ASAP2: variants seen among roughly 807,000 people sequenced by gnomAD.
ASAP2 encodes ArfGAP with SH3 domain, ankyrin repeat and PH domain 2, also known as arf-GAP with SH3 domain, ANK repeat and PH domain-containing protein 2.
In ASAP2, 45 loss-of-function variants were observed where a neutral mutation model predicts 131.4. The ratio of observed to expected loss-of-function variants is 0.34; its 90% CI spans 0.27 to 0.44. ASAP2 has a LOEUF of 0.44. Ranked by LOEUF, ASAP2 falls within the 20% of genes least tolerant of loss-of-function variation. The pLI is 1.00. For missense variants in ASAP2, 1,011 were observed against 1,297.0 expected, an observed-to-expected ratio of 0.78 and a Z score of 3.39; for synonymous variants, 510 against 503.0, an observed-to-expected ratio of 1.01 and a Z score of -0.19.
At position 9,337,741 on chromosome 2, in the gene ASAP2, G is replaced by A. The variant is rs192207348; in HGVS notation, c.849+2562G>A. Among the ~76,000 whole-genome samples, 19 of 152,264 alleles carry A rather than the reference G, an allele frequency of 1.2e-4. No homozygotes were observed. The East Asian group carries it at 3.3e-3, about 26-fold the overall frequency. On this transcript the variant is annotated intron_variant, in intron 9 of 27. Coordinates refer to ENST00000281419, the MANE Select transcript of ASAP2 (RefSeq NM_003887.3). The stretch of plus-strand genomic sequence containing the variant: ...CCCTGCAGCTTTGTTTTAGTGTGGA[G>A]CTTGTGCCGTTCTGGTCCCGGTGAC...
rs1163387533 is a variant in ASAP2, at chr2:9,391,203, TTTTTTCC to T, written c.2518+18_2518+24del. Reference sequence around the variant, plus strand: ...CTTCGCGTGACATCTACCAGTACGTTTTTTTCCTTTTTCCTTTCTTGCCCGTGGGCTT... The same window carrying T: ...CTTCGCGTGACATCTACCAGTACGTTTTTTTCCTTTCTTGCCCGTGGGCTT... On this transcript the variant is annotated splice_region_variant and intron_variant, in intron 23 of 27. Transcript: ENST00000281419. 1.9e-6 allele frequency: 3 copies of T among 1,607,866 alleles called. No homozygotes were observed. Among genetic ancestry groups the T allele is most frequent in the Non-Finnish European group, 2.5e-6 (3 of 1,176,636 alleles).
intron 1 of ASAP2, among the ~76,000 whole-genome samples, chr2:9,270,785 A>ATTTTTTTTCTTTTTTTTTTTTTT (rs1666300885): frequency 1.9e-5 from 1 of 52,924 alleles, no homozygotes; most frequent in Non-Finnish European, 3.5e-5. Context: ...AATTGTTTTC[A>ATTTTTTTTCTTTTTTTTTTTTTT]TTTTTTTTTT....
intron 16 of ASAP2, among the ~76,000 whole-genome samples, chr2:9,372,579 A>G (rs1674063210): frequency 6.6e-6 from 1 of 152,258 alleles, no homozygotes; most frequent in African/African-American, 2.4e-5. Context: ...ATAAAGGCCC[A>G]GAACACTTCT....
chr2:9,258,674 G>A (rs955273379), intron 1 of ASAP2, among the ~76,000 whole-genome samples: 7 of 152,148 alleles, frequency 4.6e-5, no homozygotes, highest in African/African-American at 7.2e-5. Context: ...CGAAACCCCC[G>A]GAAGCTGCTG....
chr2:9,367,614 A>G (rs938198512), intron 15 of ASAP2, among the ~76,000 whole-genome samples: 1 of 151,990 alleles, frequency 6.6e-6, no homozygotes, highest in Admixed American at 6.5e-5. Flanking sequence ...TACAAAAATC[A>G]GCTGGGCGTG....
At position 9,344,570 on chromosome 2, in the gene ASAP2, T is replaced by G; in HGVS notation, c.888T>G (p.His296Gln). ...QIRQSTAYSL[H>Q]QPQGNKEHGT... ...GTCAGAGCACAGCTTATAGCTTACA[T>G]CAGCCTCAGGGAAACAAGGAACATG... Residue 296 changes from histidine (H) to glutamine (Q), a missense_variant, in exon 10 of 28, where the codon CAT becomes CAG. His to Gln is a conservative substitution (Grantham distance 24, BLOSUM62 0). Around this residue, in one of 2 missense-constraint regions of ASAP2, gnomAD observed 359 missense variants for 598.1 expected, o/e 0.60. Coordinates refer to ENST00000281419, the MANE Select transcript of ASAP2 (RefSeq NM_003887.3). 1 of 1,614,142 alleles carries G rather than the reference T, an allele frequency of 6.2e-7. No individual in the cohort carries two copies. The highest frequency in any genetic ancestry group is 8.5e-7 in the Non-Finnish European group (1 of 1,180,022).
At chr2:9,288,193 A>T (rs948717738) in intron 2 of ASAP2, among the ~76,000 whole-genome samples, 1 of 152,134 alleles carries the variant, frequency 6.6e-6, no homozygotes, top group South Asian at 2.1e-4. Context: ...CGCAAACCCA[A>T]CCTACCAAGC....
At chr2:9,243,290 A>G (rs1455140368) in intron 1 of ASAP2, among the ~76,000 whole-genome samples, 1 of 152,114 alleles carries the variant, frequency 6.6e-6, no homozygotes, top group Non-Finnish European at 1.5e-5. Context: ...TTGTATTTTT[A>G]GTAGAGATGG....
At position 9,320,293 on chromosome 2, in the gene ASAP2, G is replaced by C. The variant is rs776518516; in HGVS notation, c.426G>C (p.Leu142=). The C allele has an allele frequency of 6.2e-7, 1 of 1,610,200 alleles. No individual in the cohort carries two copies. Among genetic ancestry groups the C allele is most frequent in the South Asian group, 1.1e-5 (1 of 89,920 alleles). The change falls in exon 5 of 28, where the codon CTG becomes CTC. Residue 142 remains leucine, a synonymous_variant. Coordinates refer to ENST00000281419, the MANE Select transcript of ASAP2 (RefSeq NM_003887.3). ...KGDLKGVKGD[L]KKPFDKAWKD... ...TTATTATTCTTTGTTTACAGGATCT[G>C]AAAAAGCCTTTTGATAAAGCTTGGA...
rs751130597 is a variant in ASAP2 at position 9,391,150 on chromosome 2, G to A, written c.2472G>A (p.Pro824=). The part of the protein sequence containing the change: ...GGSRQRSSSD[P]PAVHPPLPPL... ...GCCGGCAGCGATCTTCGTCAGATCC[G>A]CCAGCTGTCCATCCACCGCTGCCCC... Residue 824 remains proline, a synonymous_variant, in exon 23 of 28, where the codon CCG becomes CCA. Coordinates refer to ENST00000281419, the MANE Select transcript of ASAP2 (RefSeq NM_003887.3). 22 of 1,614,198 alleles carry A rather than the reference G, an allele frequency of 1.4e-5. No homozygotes were observed. The highest frequency in any genetic ancestry group is 1.6e-4 in the Middle Eastern group (1 of 6,062).
intron 1 of ASAP2, among the ~76,000 whole-genome samples, chr2:9,278,748 A>G (rs1666923075): frequency 6.6e-6 from 1 of 152,204 alleles, no homozygotes; most frequent in African/African-American, 2.4e-5. Flanking sequence ...TCAACCCTGC[A>G]AAGTGGGTAT....
At chr2:9,391,637 C>T (rs1675731406) in intron 23 of ASAP2, among the ~76,000 whole-genome samples, 2 of 148,876 alleles carry the variant, frequency 1.3e-5, no homozygotes, top group South Asian at 4.2e-4. Flanking sequence ...TGCAATGGCA[C>T]AATCTTGGCT....
intron 24 of ASAP2, among the ~76,000 whole-genome samples, chr2:9,397,551 C>T (rs530155217): frequency 8.6e-5 from 13 of 151,734 alleles, no homozygotes; most frequent in African/African-American, 2.7e-4. Flanking sequence ...TCCCCACCAC[C>T]GGTGATTTTG....
intron 3 of ASAP2, among the ~76,000 whole-genome samples, chr2:9,313,939 T>C (rs563078520): frequency 1.3e-5 from 2 of 152,310 alleles, no homozygotes; most frequent in Admixed American, 6.5e-5. Context: ...ACATAATTCT[T>C]CCTCTGAAAG....
chr2:9,336,750 G>T (rs1671230311), intron 9 of ASAP2, among the ~76,000 whole-genome samples: 1 of 152,220 alleles, frequency 6.6e-6, no homozygotes, highest in African/African-American at 2.4e-5. Context: ...AAAAAACTTG[G>T]CGTAAGGAGA....
intron 6 of ASAP2, 105 bp downstream of exon 6, chr2:9,323,355 A>T: frequency 6.7e-7 from 1 of 1,490,614 alleles, no homozygotes; most frequent in Non-Finnish European, 9.1e-7. Flanking sequence ...AAAACACCAC[A>T]TGCATTGCTG....
intron 7 of ASAP2, among the ~76,000 whole-genome samples, chr2:9,329,036 A>G (rs1344534537): frequency 6.6e-6 from 1 of 152,188 alleles, no homozygotes; most frequent in African/African-American, 2.4e-5. Flanking sequence ...CACAGTAGGT[A>G]CTCGGCTGTT....
chr2:9,264,751 T>C (rs1033821391), intron 1 of ASAP2, among the ~76,000 whole-genome samples: 1 of 152,130 alleles, frequency 6.6e-6, no homozygotes, highest in African/African-American at 2.4e-5. Context: ...TCTGCACTTG[T>C]GGGTTTTGCA....
At chr2:9,378,016 G>A (rs2148727537) in intron 18 of ASAP2, among the ~76,000 whole-genome samples, 2 of 152,336 alleles carry the variant, frequency 1.3e-5, no homozygotes, top group South Asian at 4.1e-4. Context: ...GGAGAGGGAA[G>A]GTCCCAGTTT....
Sources: gnomAD v4.1 joint callset for allele counts (sites outside exome capture counted in the v4.1 genomes callset) on GRCh38, gnomAD v4.1.1 for gene constraint, gnomAD v4.1.1 regional missense constraint, MANE v1.5 for transcripts, NCBI Gene and HGNC (gene_info 2026-07-23, HGNC 2026-07-21) for gene names.